The following NDE1 variants were observed in gnomAD, a reference collection of about 807,000 sequenced individuals.
NDE1 encodes nudE neurodevelopment protein 1, also known as nuclear distribution protein nudE homolog 1.
A neutral mutation model predicts 43.4 loss-of-function variants in NDE1; 28 were observed. That is an observed-to-expected ratio of 0.65 (90% CI 0.48 to 0.89). The LOEUF (loss-of-function observed/expected upper bound fraction) is 0.89, where lower values mean the gene tolerates loss of function less well. Ranked by LOEUF, NDE1 falls within the 40% of genes least tolerant of loss-of-function variation. The pLI is 0.00. For synonymous variants in NDE1, 184 were observed against 172.0 expected (o/e 1.07, Z -0.55); for missense variants, 441 against 434.1 (o/e 1.02, Z -0.14).
At chr16:15,683,567 C>G (rs888849279) in intron 4 of NDE1, among the ~76,000 whole-genome samples, 2 of 151,854 alleles carry the variant, frequency 1.3e-5, no homozygotes, top group Non-Finnish European at 2.9e-5. Context: ...AAGATGGTCT[C>G]GATCTCCTGA....
chr16:15,680,079 A>G (rs1046875047), intron 4 of NDE1, among the ~76,000 whole-genome samples: 5 of 152,140 alleles, frequency 3.3e-5, no homozygotes, highest in African/African-American at 9.7e-5. Flanking sequence ...ATACCCAGCC[A>G]GAGATGATGA....
chr16:15,704,402 A>T (rs931123418), intron 8 of NDE1, among the ~76,000 whole-genome samples: 1 of 150,188 alleles, frequency 6.7e-6, no homozygotes, highest in African/African-American at 2.5e-5. Flanking sequence ...CTGCTTTTCA[A>T]TATGTCAGGC....
At chr16:15,682,747 C>A (rs1294633734) in intron 4 of NDE1, among the ~76,000 whole-genome samples, 2 of 152,050 alleles carry the variant, frequency 1.3e-5, no homozygotes, top group African/African-American at 2.4e-5. Context: ...ATTTTTGAGA[C>A]AGAGTCTTGC....
intron 8 of NDE1, chr16:15,720,051 G>A (rs1173335354): frequency 2.7e-6 from 4 of 1,500,030 alleles, no homozygotes; most frequent in Middle Eastern, 1.7e-4. Context: ...CCAATGGCAG[G>A]TGCAGGCTTG....
chr16:15,674,557 T>G (rs2037769700), intron 3 of NDE1, among the ~76,000 whole-genome samples: 1 of 152,102 alleles, frequency 6.6e-6, no homozygotes, highest in African/African-American at 2.4e-5. Context: ...CCTGTCTTTG[T>G]TTTTAAACCC....
At chr16:15,673,395 G>A (rs144134129) in intron 3 of NDE1, among the ~76,000 whole-genome samples, 1,981 of 152,046 alleles carry the variant, frequency 0.013, 24 homozygotes, top group Non-Finnish European at 0.021. Flanking sequence ...GTAGAGACGG[G>A]GGTTTCACCG....
intron 8 of NDE1, chr16:15,714,853 CCAGTGCTTT>C (rs2040027973): frequency 6.2e-7 from 1 of 1,606,372 alleles, no homozygotes; most frequent in Non-Finnish European, 8.5e-7. Flanking sequence ...GCCCGAGCCC[CCAGTGCTTT>C]TCTCTGGCCT....
intron 8 of NDE1, chr16:15,701,559 A>T (rs2039221707): frequency 6.6e-6 from 1 of 152,206 alleles, no homozygotes; most frequent in African/African-American, 2.4e-5. Context: ...AAAGCACAAG[A>T]TCATTGTAGG....
intron 8 of NDE1, chr16:15,703,324 C>T (rs750835123): frequency 8.7e-6 from 2 of 230,458 alleles, no homozygotes; most frequent in Non-Finnish European, 1.7e-5. Flanking sequence ...TTCTCAAAGG[C>T]CTGACGTGAG....
At chr16:15,704,577 AC>A (rs2151161166) in intron 8 of NDE1, among the ~76,000 whole-genome samples, 1 of 152,230 alleles carries the variant, frequency 6.6e-6, no homozygotes, top group East Asian at 1.9e-4. Flanking sequence ...GTATCTCCTC[AC>A]CCCCATTCGC....
intron 4 of NDE1, among the ~76,000 whole-genome samples, chr16:15,681,816 C>A (rs2038197693): frequency 6.6e-6 from 1 of 152,054 alleles, no homozygotes; most frequent in African/African-American, 2.4e-5. Flanking sequence ...CAGGTTCAAG[C>A]TATTCTCCTG....
chr16:15,686,965 G>C (rs925523816), intron 4 of NDE1: 177 of 985,056 alleles, frequency 1.8e-4, no homozygotes, highest in Non-Finnish European at 2.0e-4. Flanking sequence ...CCAAAGGGCT[G>C]GGATTACAGG....
At position 15,691,152 on chromosome 16, in the gene NDE1, C is replaced by G. The variant is rs1266293125; in HGVS notation, c.532C>G (p.Gln178Glu). The change falls in exon 6 of 9, where the codon CAG (glutamine) becomes GAG (glutamate). Residue 178 changes from glutamine (Q) to glutamate (E), a missense_variant. Transcript: ENST00000396354. ...RLKDEARDLR[Q>E]ELAVQQKQEK... is the part of the protein sequence containing the mutation. ...TCCTTTTTCTGGCACAGATTTGCGG[C>G]AGGAACTGGCCGTGCAGCAGAAGCA... The G allele has an allele frequency of 6.2e-7, 1 of 1,614,006 alleles. No individual in the cohort carries two copies. Among genetic ancestry groups the G allele is most frequent in the Non-Finnish European group, 8.5e-7 (1 of 1,180,052 alleles).
intron 8 of NDE1, chr16:15,717,173 GCAAT>G: frequency 6.2e-7 from 1 of 1,614,210 alleles, no homozygotes. Flanking sequence ...CTCCAGCTGT[GCAAT>G]CTTGGCCTCC....
At chr16:15,708,406 G>T (rs2151171961) in intron 8 of NDE1, among the ~76,000 whole-genome samples, 1 of 152,312 alleles carries the variant, frequency 6.6e-6, no homozygotes, top group East Asian at 1.9e-4. Flanking sequence ...TATTCATTCA[G>T]TGCAGTGTCT....
chr16:15,697,802 TTTTTG>T (rs1173612925), intron 8 of NDE1, among the ~76,000 whole-genome samples: 8 of 152,144 alleles, frequency 5.3e-5, no homozygotes, highest in African/African-American at 1.2e-4. Context: ...GAAGTTTTTT[TTTTTG>T]TTTTGTTTTG....
intron 4 of NDE1, among the ~76,000 whole-genome samples, 165 bp downstream of exon 4, chr16:15,678,114 C>T (rs949926373): frequency 2.0e-5 from 3 of 152,062 alleles, no homozygotes; most frequent in Non-Finnish European, 4.4e-5. Context: ...GGACAATAGT[C>T]GAAGAAGTGC....
chr16:15,694,507 G>A, intron 7 of NDE1: 2 of 1,203,596 alleles, frequency 1.7e-6, no homozygotes, highest in Non-Finnish European at 2.3e-6. Context: ...CACTATGCCT[G>A]GCTGATACTT....
At chr16:15,665,074 C>T (rs573207758) in intron 2 of NDE1, among the ~76,000 whole-genome samples, 34 of 149,342 alleles carry the variant, frequency 2.3e-4, no homozygotes, top group South Asian at 4.2e-4. Flanking sequence ...TTTTTTTTGG[C>T]GGAAACAGGG....
Sources: allele counts gnomAD v4.1 joint callset (sites outside exome capture counted in the v4.1 genomes callset), GRCh38; gene constraint gnomAD v4.1.1; transcripts MANE v1.5; gene names NCBI Gene and HGNC (gene_info 2026-07-23, HGNC 2026-07-21).